LINGO1: variants seen among roughly 807,000 people sequenced by gnomAD.
LINGO1 encodes the protein leucine-rich repeat and immunoglobulin-like domain-containing nogo receptor-interacting protein 1.
LINGO1 carries 11 observed loss-of-function variants against 37.3 expected under a neutral mutation model. That is an observed-to-expected ratio of 0.29 (90% CI 0.19 to 0.49). LINGO1 has a LOEUF of 0.49. Among genes scored for constraint, LINGO1 ranks in the 20% least tolerant of loss-of-function variants. The pLI is 0.99. For synonymous variants in LINGO1, 387 were observed against 403.0 expected, an observed-to-expected ratio of 0.96 and a Z score of 0.48; for missense variants, 585 against 878.2, an observed-to-expected ratio of 0.67 and a Z score of 4.22.
intron 2 of LINGO1, among the ~76,000 whole-genome samples, chr15:77,687,252 C>T (rs756375950): frequency 5.9e-5 from 9 of 152,082 alleles, no homozygotes; most frequent in South Asian, 4.1e-4. Flanking sequence ...CTGGGATCAA[C>T]GCTCAGTGCG....
chr15:77,678,127 T>C (rs1198373229), intron 2 of LINGO1, among the ~76,000 whole-genome samples: 1 of 152,248 alleles, frequency 6.6e-6, no homozygotes, highest in Non-Finnish European at 1.5e-5. Flanking sequence ...TGACTTGTTA[T>C]TTGGTTTTCC....
rs2076342496 is a variant in LINGO1 at position 77,748,907 on chromosome 15, CTCT to C, written c.-256-13857_-256-13855del. Among the ~76,000 whole-genome samples, 16 of 94,888 alleles carry C rather than the reference CTCT, an allele frequency of 1.7e-4. No individual in the cohort carries two copies. The South Asian group carries it at 3.2e-3, about 19-fold the overall frequency. 62.3% of individuals were successfully genotyped at this position (94,888 alleles called of 152,430 possible). A position where few individuals can be genotyped will look rare whatever the true frequency, so the allele number is the denominator to read the frequency against. ...ATTTATTTATTTTCCTTCCTTCCTTCTCTTTTTTTTTTTTTTTTTTTTTGGAGT... is the reference window on the plus strand; with the variant it reads ...ATTTATTTATTTTCCTTCCTTCCTTCTTTTTTTTTTTTTTTTTTTTGGAGT... On this transcript the variant is annotated intron_variant, in intron 1 of 3. Transcript: ENST00000561686.
intron 2 of LINGO1, among the ~76,000 whole-genome samples, chr15:77,794,707 C>G (rs2076858527): frequency 6.6e-6 from 1 of 151,194 alleles, no homozygotes; most frequent in African/African-American, 2.4e-5. Context: ...CCTGCCTCAG[C>G]CTCCCGAGTA....
At position 77,652,542 on chromosome 15, in the gene LINGO1, C is replaced by T. The variant is rs373579804; in HGVS notation, c.-13+24547G>A. 3.7e-4 allele frequency among the ~76,000 whole-genome samples: 42 copies of T among 113,962 alleles called. 1 individual carries two copies. In the South Asian group the frequency reaches 0.012, roughly 33 times the overall value. 74.8% of individuals were successfully genotyped at this position (113,962 alleles called of 152,430 possible). A position where few individuals can be genotyped will look rare whatever the true frequency, so the allele number is the denominator to read the frequency against. Reference sequence around the variant, plus strand: ...TGTGTGTGTGTGTGTTGCCAGAATACGGAAATCACATTTCCCTGTGTCAAT... The same window carrying T: ...TGTGTGTGTGTGTGTTGCCAGAATATGGAAATCACATTTCCCTGTGTCAAT... On this transcript the variant is annotated intron_variant, in intron 3 of 3. Transcript: ENST00000559893.
intron 2 of LINGO1, among the ~76,000 whole-genome samples, chr15:77,716,404 G>T (rs558883431): frequency 6.8e-6 from 1 of 146,524 alleles, no homozygotes; most frequent in Admixed American, 7.0e-5. Context: ...TCCAAGCCTC[G>T]CAAGTAGCTA....
chr15:77,630,419 C>A (rs887126374), intron 1 of LINGO1, among the ~76,000 whole-genome samples: 4 of 152,190 alleles, frequency 2.6e-5, no homozygotes, highest in Admixed American at 2.0e-4. Context: ...CCCACCTCCA[C>A]AAGAGGTTGT....
At chr15:77,622,917 G>A (rs543219044) in intron 1 of LINGO1, among the ~76,000 whole-genome samples, 11 of 152,244 alleles carry the variant, frequency 7.2e-5, no homozygotes, top group African/African-American at 1.7e-4. Context: ...CTGGATCTCC[G>A]GCCACCCTCT....
At chr15:77,794,018 G>A (rs1259827656) in intron 2 of LINGO1, among the ~76,000 whole-genome samples, 3 of 152,098 alleles carry the variant, frequency 2.0e-5, no homozygotes, top group Non-Finnish European at 4.4e-5. Flanking sequence ...CTCCTGCCCT[G>A]CGTCAGCTCC....
Position 77,676,078 on chromosome 15 carries a change from C to T in LINGO1, c.-13+1011G>A, listed in dbSNP as rs182148848. On this transcript the variant is annotated intron_variant, in intron 3 of 3. Coordinates refer to the LINGO1 transcript ENST00000559893. ...AGCCAGAGGGGGGAAGACGAGGAAC[C>T]TTACAGCACTCCCAAAGACCAGGAC... 1.9e-3 allele frequency among the ~76,000 whole-genome samples: 294 copies of T among 152,352 alleles called. 1 individual carries two copies. The highest frequency in any genetic ancestry group is 3.4e-3 in the Middle Eastern group (1 of 294).
chr15:77,780,573 T>C (rs542315575), intron 1 of LINGO1, among the ~76,000 whole-genome samples: 2 of 152,196 alleles, frequency 1.3e-5, no homozygotes, highest in Admixed American at 1.3e-4. Flanking sequence ...TGCAATATCG[T>C]CAGAGGACAG....
intron 3 of LINGO1, among the ~76,000 whole-genome samples, chr15:77,647,398 A>C (rs1467419042): frequency 1.3e-5 from 1 of 76,968 alleles, no homozygotes; most frequent in Non-Finnish European, 2.5e-5. Context: ...AGGGAAAGGC[A>C]GCTGGGGGGT....
chr15:77,632,421 T>G lies in LINGO1; in HGVS notation c.-106A>C. ...CCCAGCCCCCTCCTCCGTTTCCTCC[T>G]CCTCCGACACCTCCGCCCGGCAGTC... On this transcript the variant is annotated 5_prime_UTR_variant, in exon 1 of 2. Transcript: ENST00000355300. This position sits in a 1 kb window ranked among gnomAD's most constrained non-coding sequence, Gnocchi z 6.0. 1 of 1,183,680 alleles carries G rather than the reference T, an allele frequency of 8.4e-7. No individual in the cohort carries two copies. The allele number at this position is 1,183,680 out of a possible 1,614,324, so 73.3% of individuals were successfully genotyped here. A position where few individuals can be genotyped will look rare whatever the true frequency, so the allele number is the denominator to read the frequency against.
rs2076409247 is a variant in LINGO1 at position 77,755,337 on chromosome 15, C to CA, written c.-256-20285dup. On this transcript the variant is annotated intron_variant, in intron 1 of 3. Transcript: ENST00000561686. ...CTCTGGGGTCAACAGGCTCCAGCCC[C>CA]AAAGCAAGCTAAATATGAAGTCCTC... Among the ~76,000 whole-genome samples the CA allele has an allele frequency of 2.0e-5, 3 of 152,208 alleles. No individual in the cohort carries two copies. The South Asian group carries it at 6.2e-4, about 32-fold the overall frequency.
At chr15:77,673,225 A>G (rs1352268196) in intron 3 of LINGO1, among the ~76,000 whole-genome samples, 1 of 152,358 alleles carries the variant, frequency 6.6e-6, no homozygotes, top group Non-Finnish European at 1.5e-5. Context: ...GGAACTCTAA[A>G]GGAAAGGAGT....
intron 2 of LINGO1, among the ~76,000 whole-genome samples, chr15:77,679,243 G>T (rs2075375635): frequency 6.6e-6 from 1 of 152,196 alleles, no homozygotes; most frequent in Non-Finnish European, 1.5e-5. Flanking sequence ...TACTAATAAT[G>T]ATGAACATCT....
At chr15:77,636,696 G>C (rs545284901), upstream of LINGO1, among the ~76,000 whole-genome samples, 1 of 152,126 alleles carries the variant, frequency 6.6e-6, no homozygotes, top group Non-Finnish European at 1.5e-5. Flanking sequence ...CCCTGGGGGG[G>C]TCTCTAAGCT....
chr15:77,794,873 C>T (rs886922074), intron 2 of LINGO1, among the ~76,000 whole-genome samples: 2 of 152,070 alleles, frequency 1.3e-5, no homozygotes, highest in Non-Finnish European at 1.5e-5. Flanking sequence ...TTTGATGGTG[C>T]TAACTGGGCT....
chr15:77,770,486 C>T (rs1031156957), intron 1 of LINGO1, among the ~76,000 whole-genome samples: 2 of 149,192 alleles, frequency 1.3e-5, no homozygotes, highest in African/African-American at 5.0e-5. Flanking sequence ...ACTCAGGAGA[C>T]TGAGGCAGGA....
At chr15:77,684,171 A>G (rs1194656616) in intron 2 of LINGO1, among the ~76,000 whole-genome samples, 6 of 152,102 alleles carry the variant, frequency 3.9e-5, no homozygotes, top group African/African-American at 1.4e-4. Flanking sequence ...TGGTGGGCCC[A>G]TTGCTTCTGT....
Sources: allele counts gnomAD v4.1 joint callset (sites outside exome capture counted in the v4.1 genomes callset), GRCh38; gene constraint gnomAD v4.1.1; non-coding constraint Gnocchi (gnomAD v3.1); transcripts MANE v1.5; gene names NCBI Gene and HGNC (gene_info 2026-07-23, HGNC 2026-07-21).